The following GTF2I variants were observed in gnomAD, a reference collection of about 807,000 sequenced individuals.
GTF2I encodes the protein general transcription factor IIi.
Under a neutral mutation model 67.6 loss-of-function variants are expected in GTF2I, and 12 were observed. That is an observed-to-expected ratio of 0.18 (90% CI 0.11 to 0.29). The LOEUF is 0.29. Ranked by LOEUF, GTF2I falls within the 10% of genes least tolerant of loss-of-function variation. The pLI is 1.00. For missense variants in GTF2I, 271 were observed against 580.1 expected, an observed-to-expected ratio of 0.47 and a Z score of 5.47; for synonymous variants, 149 against 197.0, an observed-to-expected ratio of 0.76 and a Z score of 2.04.
chr7:74,703,711 A>G (rs746670758), intron 6 of GTF2I, among the ~76,000 whole-genome samples: 71 of 152,300 alleles, frequency 4.7e-4, no homozygotes, highest in Non-Finnish European at 2.4e-4. Context: ...ATATTCAAGA[A>G]ACCATTGCGT....
intron 1 of GTF2I, chr7:74,684,883 C>T (rs1175390639): frequency 6.6e-6 from 1 of 152,168 alleles, no homozygotes; most frequent in Non-Finnish European, 1.5e-5. Context: ...CACCAAAAGC[C>T]GAGATTTATT....
chr7:74,658,591 C>G (rs2131160087), intron 1 of GTF2I, among the ~76,000 whole-genome samples: 1 of 150,526 alleles, frequency 6.6e-6, no homozygotes, highest in African/African-American at 2.4e-5. Flanking sequence ...GCCGGGGCAG[C>G]AGACGCGCGG....
At chr7:74,691,876 A>G (rs781908079) in intron 3 of GTF2I, among the ~76,000 whole-genome samples, 20 of 151,610 alleles carry the variant, frequency 1.3e-4, no homozygotes, top group Non-Finnish European at 2.7e-4. Context: ...TCCCATGTTC[A>G]AGCAATTCTT....
intron 1 of GTF2I, among the ~76,000 whole-genome samples, chr7:74,661,674 T>G (rs1804510312): frequency 1.1e-5 from 1 of 90,414 alleles, no homozygotes; most frequent in Non-Finnish European, 2.1e-5. Flanking sequence ...AGCGAGACTG[T>G]GTCTCAAAAA....
rs1290107165 is a variant in GTF2I, at chr7:74,700,443, C to T, written c.557+13C>T. 6.2e-7 allele frequency: 1 copy of T among 1,613,874 alleles called. No homozygotes were observed. The highest frequency in any genetic ancestry group is 1.3e-5 in the African/African-American group (1 of 75,016). On this transcript the variant is annotated intron_variant, in intron 5 of 34. Coordinates refer to ENST00000573035, the MANE Select transcript of GTF2I (RefSeq NM_032999.4). ...TCATCATTAAGAGGTGAAGTGCTTT[C>T]TCCCTTTGTACCCATCAACAGTTGA... is the stretch of plus-strand genomic sequence containing the variant.
Position 74,703,568 on chromosome 7 carries a change from C to T in GTF2I, c.587-1596C>T, listed in dbSNP as rs782695588. Among the ~76,000 whole-genome samples, 42 of 152,206 alleles carry T rather than the reference C, an allele frequency of 2.8e-4. No individual in the cohort carries two copies. The Middle Eastern group carries it at 0.01, about 37-fold the overall frequency. ...ATAACTTTAGTATTTTTAGTGGATA[C>T]GGGGTTTCACCATATTGGTCAGGCT... On this transcript the variant is annotated intron_variant, in intron 6 of 34. Coordinates refer to ENST00000573035, the MANE Select transcript of GTF2I (RefSeq NM_032999.4).
At chr7:74,724,615 G>A (rs934873945) in intron 12 of GTF2I, among the ~76,000 whole-genome samples, 7 of 152,146 alleles carry the variant, frequency 4.6e-5, no homozygotes, top group Non-Finnish European at 8.8e-5. Flanking sequence ...TTCATGAATA[G>A]CACCTTTTGC....
At position 74,707,280 on chromosome 7, in the gene GTF2I, G is replaced by T. The variant is rs1790857952; in HGVS notation, c.685+847G>T. Among the ~76,000 whole-genome samples, 3 of 152,360 alleles carry T rather than the reference G, an allele frequency of 2.0e-5. No homozygotes were observed. In the South Asian group the frequency reaches 6.2e-4, roughly 32 times the overall value. ...GTCAAGCCTCCCGCTGCTCGGCCCT[G>T]TGCCCCTTATTCACACGGGACACTC... On this transcript the variant is annotated intron_variant, in intron 8 of 34. Coordinates refer to ENST00000573035, the MANE Select transcript of GTF2I (RefSeq NM_032999.4).
rs1475925596 is a variant in GTF2I at position 74,662,679 on chromosome 7, C to T, written c.-6+4611C>T. Among the ~76,000 whole-genome samples, 9 of 151,714 alleles carry T rather than the reference C, an allele frequency of 5.9e-5. No individual in the cohort carries two copies. The South Asian group carries it at 1.0e-3, about 18-fold the overall frequency. Reference sequence around the variant, plus strand: ...CTGGGATTACAAGCACGCACCACCACGCCTGGCTAATTTTTTGTATTTTTA... The same window carrying T: ...CTGGGATTACAAGCACGCACCACCATGCCTGGCTAATTTTTTGTATTTTTA... On this transcript the variant is annotated intron_variant, in intron 1 of 34. Transcript: ENST00000573035.
At chr7:74,729,893 C>T (rs1191200423) in intron 13 of GTF2I, among the ~76,000 whole-genome samples, 1 of 150,696 alleles carries the variant, frequency 6.6e-6, no homozygotes, top group South Asian at 2.1e-4. Flanking sequence ...TCGTGGTCTC[C>T]CTTTTGTCGT....
chr7:74,727,446 C>T (rs1484312808), intron 12 of GTF2I: 1 of 152,236 alleles, frequency 6.6e-6, no homozygotes, highest in South Asian at 2.1e-4. Context: ...TACACACACA[C>T]AGTCTGATCT....
intron 14 of GTF2I, 147 bp from the exon 15 acceptor site, chr7:74,732,332 C>T: frequency 8.5e-7 from 1 of 1,181,900 alleles, no homozygotes; most frequent in Non-Finnish European, 1.1e-6. Flanking sequence ...CGAGATCACA[C>T]CACTGCACTG....
At chr7:74,660,621 C>CTTTTTTT (rs35605839) in intron 1 of GTF2I, among the ~76,000 whole-genome samples, 6 of 124,536 alleles carry the variant, frequency 4.8e-5, no homozygotes, top group Non-Finnish European at 9.7e-5. Context: ...CTTTTCTTTT[C>CTTTTTTT]TTTTTTTTTT....
chr7:74,688,111 C>T (rs1451312320), intron 1 of GTF2I, among the ~76,000 whole-genome samples: 2 of 152,098 alleles, frequency 1.3e-5, no homozygotes, highest in African/African-American at 4.8e-5. Context: ...GACAGGCTCA[C>T]TCTGTCACCA....
At chr7:74,750,022 T>C (rs1340354594) in intron 26 of GTF2I, among the ~76,000 whole-genome samples, 19 of 131,180 alleles carry the variant, frequency 1.4e-4, no homozygotes, top group Non-Finnish European at 3.1e-4. Context: ...TGTTACTATT[T>C]GATGCTGCTG....
At chr7:74,723,658 T>G (rs986468892) in intron 12 of GTF2I, among the ~76,000 whole-genome samples, 9 of 151,658 alleles carry the variant, frequency 5.9e-5, no homozygotes, top group Non-Finnish European at 8.8e-5. Context: ...CTTGAACTCC[T>G]TACCTCAGGT....
At position 74,700,676 on chromosome 7, in the gene GTF2I, G is replaced by A. The variant is rs200164946; in HGVS notation, c.586+42G>A. On this transcript the variant is annotated intron_variant, in intron 6 of 34. Coordinates refer to ENST00000573035, the MANE Select transcript of GTF2I (RefSeq NM_032999.4). ...CTTCCTTGATAGCTGGCTGGCCTCC[G>A]TTTTGCTAGATTTTCATACACTTTA... 118 of 1,579,806 alleles carry A rather than the reference G, an allele frequency of 7.5e-5. No homozygotes were observed. In the African/African-American group the frequency reaches 1.2e-3, roughly 16 times the overall value.
At chr7:74,670,909 T>C (rs1805393141) in intron 1 of GTF2I, among the ~76,000 whole-genome samples, 1 of 151,980 alleles carries the variant, frequency 6.6e-6, no homozygotes, top group African/African-American at 2.4e-5. Context: ...AATTTAAAAG[T>C]ATAATTAATA....
At chr7:74,753,315 A>T (rs1795939867) in intron 29 of GTF2I, 138 bp downstream of exon 29, 1 of 659,370 alleles carries the variant, frequency 1.5e-6, no homozygotes, top group Non-Finnish European at 2.6e-6. Context: ...TGTTTGTGCT[A>T]AATTTATTTA....
Sources: gnomAD v4.1 joint callset for allele counts (sites outside exome capture counted in the v4.1 genomes callset) on GRCh38, gnomAD v4.1.1 for gene constraint, MANE v1.5 for transcripts, NCBI Gene and HGNC (gene_info 2026-07-23, HGNC 2026-07-21) for gene names.